The following NMT1 variants were observed in gnomAD, a reference collection of about 807,000 sequenced individuals.
NMT1 encodes N-myristoyltransferase 1.
NMT1 carries 12 observed loss-of-function variants against 63.4 expected under a neutral mutation model. That is an observed-to-expected ratio of 0.19 (90% CI 0.12 to 0.31). The LOEUF (loss-of-function observed/expected upper bound fraction) is 0.31, where lower values mean the gene tolerates loss of function less well. Among genes scored for constraint, NMT1 ranks in the 10% least tolerant of loss-of-function variants. The probability of loss-of-function intolerance (pLI) is 1.00; values close to 1 mark genes in which losing one functional copy is unlikely to be tolerated. For missense variants in NMT1, 432 were observed against 634.6 expected, an observed-to-expected ratio of 0.68 and a Z score of 3.43; for synonymous variants, 228 against 234.3, an observed-to-expected ratio of 0.97 and a Z score of 0.25.
intron 1 of NMT1, among the ~76,000 whole-genome samples, chr17:45,062,339 C>T (rs1334355147): frequency 2.0e-5 from 3 of 152,218 alleles, no homozygotes; most frequent in Non-Finnish European, 2.9e-5. Context: ...GTGCCTGGCA[C>T]TGGCACTCAC....
chr17:45,088,593 A>G (rs1361406225), intron 3 of NMT1, among the ~76,000 whole-genome samples: 1 of 152,154 alleles, frequency 6.6e-6, no homozygotes, highest in Non-Finnish European at 1.5e-5. Flanking sequence ...CGTCTCTACT[A>G]AAAATACAAA....
In NMT1 at chr17:45,077,149, G is replaced by C. The variant is rs76320073; in HGVS notation, c.132-4495G>C. On this transcript the variant is annotated intron_variant, in intron 1 of 11. Coordinates refer to ENST00000258960, the MANE Select transcript of NMT1 (RefSeq NM_021079.5). ...TGAAATTATGTTTAGTAAGTATCCA[G>C]TTGGTTAATCTACAGCAGTTCTTCA... Among the ~76,000 whole-genome samples, 66 of 152,228 alleles carry C rather than the reference G, an allele frequency of 4.3e-4. 1 individual carries two copies. The East Asian group carries it at 0.01, about 24-fold the overall frequency.
At chr17:45,070,131 C>T (rs972745387) in intron 1 of NMT1, among the ~76,000 whole-genome samples, 3 of 152,160 alleles carry the variant, frequency 2.0e-5, no homozygotes, top group Non-Finnish European at 4.4e-5. Flanking sequence ...AGAATTGGCT[C>T]GTTCACCCTC....
At chr17:45,087,462 T>A (rs1191861519) in intron 3 of NMT1, among the ~76,000 whole-genome samples, 1 of 152,174 alleles carries the variant, frequency 6.6e-6, no homozygotes, top group Non-Finnish European at 1.5e-5. Flanking sequence ...AAAGCTATAA[T>A]GAATTGCTAA....
intron 1 of NMT1, among the ~76,000 whole-genome samples, chr17:45,062,361 C>T (rs921395738): frequency 1.3e-5 from 2 of 152,202 alleles, no homozygotes; most frequent in African/African-American, 2.4e-5. Context: ...CTGTCTCTCC[C>T]CATCTTCCTG....
intron 1 of NMT1, among the ~76,000 whole-genome samples, chr17:45,070,668 C>T (rs574039239): frequency 2.0e-4 from 30 of 152,316 alleles, no homozygotes; most frequent in South Asian, 4.1e-4. Context: ...CCGCCCACCT[C>T]GGCCTCCCTA....
intron 3 of NMT1, among the ~76,000 whole-genome samples, chr17:45,092,730 A>T (rs1352692111): frequency 6.6e-6 from 1 of 151,482 alleles, no homozygotes; most frequent in Non-Finnish European, 1.5e-5. Flanking sequence ...AAGAAAAGAA[A>T]AGAAAAAAAA....
chr17:45,080,617 C>T (rs1260871842), intron 1 of NMT1, among the ~76,000 whole-genome samples: 3 of 146,310 alleles, frequency 2.1e-5, no homozygotes, highest in Non-Finnish European at 1.5e-5. Context: ...TACAGGCGCC[C>T]GCCACCGTGC....
At chr17:45,078,819 C>T (rs1432771825) in intron 1 of NMT1, among the ~76,000 whole-genome samples, 2 of 151,996 alleles carry the variant, frequency 1.3e-5, no homozygotes, top group Admixed American at 6.6e-5. Flanking sequence ...TGCACCACCA[C>T]ACCTGGCTAA....
At chr17:45,077,723 C>T (rs887422630) in intron 1 of NMT1, among the ~76,000 whole-genome samples, 3 of 152,122 alleles carry the variant, frequency 2.0e-5, no homozygotes, top group Admixed American at 2.0e-4. Flanking sequence ...TAATGCTTCA[C>T]GTAATCCTGA....
Position 45,075,992 on chromosome 17 carries a change from C to A in NMT1, c.132-5652C>A, listed in dbSNP as rs143794877. ...GGCTGAGGCAGAAGAATCACTGGAA[C>A]CTGTGATGAGGAGGCTGCAGTGAGC... On this transcript the variant is annotated intron_variant, in intron 1 of 11. Coordinates refer to ENST00000258960, the MANE Select transcript of NMT1 (RefSeq NM_021079.5). Among the ~76,000 whole-genome samples, 451 of 152,224 alleles carry A rather than the reference C, an allele frequency of 3.0e-3. 1 individual carries two copies. The highest frequency in any genetic ancestry group is 9.8e-3 in the African/African-American group (405 of 41,534).
intron 1 of NMT1, among the ~76,000 whole-genome samples, chr17:45,062,696 T>C (rs1304699248): frequency 1.3e-5 from 2 of 152,232 alleles, no homozygotes; most frequent in African/African-American, 4.8e-5. Flanking sequence ...AGCATGTTAC[T>C]GTAATGTACA....
intron 2 of NMT1, among the ~76,000 whole-genome samples, chr17:45,084,154 CA>C (rs1463221140): frequency 6.6e-6 from 1 of 151,836 alleles, no homozygotes; most frequent in Non-Finnish European, 1.5e-5. Context: ...AAAAGATAAA[CA>C]ATAATCTGGG....
At position 45,105,764 on chromosome 17, in the gene NMT1, G is replaced by C. The variant is rs1054232876; in HGVS notation, c.*125G>C. On this transcript the variant is annotated 3_prime_UTR_variant, in exon 12 of 12. Coordinates refer to ENST00000258960, the MANE Select transcript of NMT1 (RefSeq NM_021079.5). The surrounding 1 kb of genome is among the most constrained non-coding windows in gnomAD (Gnocchi z 4.2). Reference sequence around the variant, plus strand: ...TGGCAAAGGGAGCAGAACTGAACCGGCTTTACCAAACCGCCAGCGAACTTG... The same window carrying C: ...TGGCAAAGGGAGCAGAACTGAACCGCCTTTACCAAACCGCCAGCGAACTTG... The C allele has an allele frequency of 4.1e-6, 4 of 967,446 alleles. No individual in the cohort carries two copies. The East Asian group carries it at 1.1e-4, about 26-fold the overall frequency. 59.9% of individuals were successfully genotyped at this position (967,446 alleles called of 1,614,324 possible).
Position 45,098,370 on chromosome 17 carries a change from TC to T in NMT1, c.714-7del. On this transcript the variant is annotated splice_polypyrimidine_tract_variant and intron_variant, in intron 6 of 11. Transcript: ENST00000258960. ...TTAAAAACCTTGTCACCTGGATTTT[TC>T]CCCCTCTTAGAGAGAAGAAGATGGT... 6.2e-7 allele frequency: 1 copy of T among 1,610,056 alleles called. No individual in the cohort carries two copies. The highest frequency in any genetic ancestry group is 8.5e-7 in the Non-Finnish European group (1 of 1,177,120).
At position 45,097,182 on chromosome 17, in the gene NMT1, C is replaced by T. The variant is rs199671891; in HGVS notation, c.651C>T (p.Val217=). The T allele has an allele frequency of 1.2e-4, 196 of 1,614,080 alleles. No homozygotes were observed. The highest frequency in any genetic ancestry group is 1.6e-4 in the Non-Finnish European group (192 of 1,180,042). ...LPQWHCGVRV[V]SSRKLVGFIS... ...AGTGGCACTGTGGGGTTCGAGTGGT[C>T]TCAAGTCGGAAATTGGTTGGGTTCA... Residue 217 remains valine, a synonymous_variant, in exon 6 of 12, where the codon GTC becomes GTT. Transcript: ENST00000258960.
intron 2 of NMT1, among the ~76,000 whole-genome samples, chr17:45,083,952 T>C (rs34727004): frequency 0.016 from 2,393 of 152,282 alleles, 54 homozygotes; most frequent in South Asian, 0.07. Flanking sequence ...AAAATTAAAA[T>C]GCCACTTCCC....
chr17:45,093,491 T>G (rs568069121), intron 3 of NMT1, 194 bp from the exon 4 acceptor site: 5 of 560,402 alleles, frequency 8.9e-6, no homozygotes, highest in Admixed American at 6.6e-5. Context: ...GTCCTGAGGT[T>G]TTGCCATGAA....
intron 2 of NMT1, among the ~76,000 whole-genome samples, chr17:45,086,009 AC>A (rs2054049480): frequency 6.6e-6 from 1 of 151,634 alleles, no homozygotes; most frequent in Non-Finnish European, 1.5e-5. Flanking sequence ...TTTAGTAGAG[AC>A]AGGGTTTCAC....
Sources: gnomAD v4.1 joint callset for allele counts (sites outside exome capture counted in the v4.1 genomes callset) on GRCh38, gnomAD v4.1.1 for gene constraint, Gnocchi (gnomAD v3.1) non-coding constraint, MANE v1.5 for transcripts, NCBI Gene and HGNC (gene_info 2026-07-23, HGNC 2026-07-21) for gene names.